Variants in TRPC4 observed in about 807,000 individuals in gnomAD.
TRPC4 encodes the protein short transient receptor potential channel 4.
A neutral mutation model predicts 99.4 loss-of-function variants in TRPC4; 49 were observed. That is an observed-to-expected ratio of 0.49 (90% confidence interval 0.39 to 0.63). The LOEUF is 0.63. Ranked by LOEUF, TRPC4 falls within the 20% of genes least tolerant of loss-of-function variation. TRPC4 has a pLI of 0.00. For synonymous variants in TRPC4, 454 were observed against 425.9 expected (o/e 1.07, Z -0.81); for missense variants, 898 against 1,152.9 (o/e 0.78, Z 3.20).
chr13:37,649,006 AT>A (rs11345629), intron 8 of TRPC4, among the ~76,000 whole-genome samples: 145,898 of 149,732 alleles, frequency 0.97, 71,141 homozygotes, highest in South Asian at 1. Flanking sequence ...GTGAGTAGGT[AT>A]TTTTTTTTTT....
intron 4 of TRPC4, among the ~76,000 whole-genome samples, 180 bp from the exon 5 acceptor site, chr13:37,674,547 T>C (rs1952979561): frequency 6.6e-6 from 1 of 152,226 alleles, no homozygotes; most frequent in African/African-American, 2.4e-5. Flanking sequence ...GACTTTCAGA[T>C]ACTAAGCTAA....
intron 3 of TRPC4, among the ~76,000 whole-genome samples, chr13:37,694,075 T>C (rs1212292436): frequency 6.6e-6 from 1 of 152,206 alleles, no homozygotes; most frequent in Non-Finnish European, 1.5e-5. Flanking sequence ...AGCACTGTTC[T>C]CTTTAAGAGT....
At chr13:37,831,530 G>GTA (rs780750962) in intron 1 of TRPC4, among the ~76,000 whole-genome samples, 8 of 152,088 alleles carry the variant, frequency 5.3e-5, no homozygotes, top group Non-Finnish European at 8.8e-5. Context: ...CTGCTCCTGG[G>GTA]TATACACTCA....
chr13:37,839,415 T>C (rs1332227592), intron 1 of TRPC4, among the ~76,000 whole-genome samples: 1 of 152,172 alleles, frequency 6.6e-6, no homozygotes, highest in East Asian at 1.9e-4. Flanking sequence ...TACAGGCACA[T>C]CCAGGGTTAA....
rs570307390 is a variant in TRPC4, at chr13:37,801,051, C to T, written c.-27-17691G>A. 1.1e-3 allele frequency among the ~76,000 whole-genome samples: 160 copies of T among 152,016 alleles called. No homozygotes were observed. The Middle Eastern group carries it at 0.014, about 13-fold the overall frequency. ...AATAATCAAGCATTTTGTTGTGCTTCTTTTGACAGGAAATATTTGAATGAA... is the reference window on the plus strand; with the variant it reads ...AATAATCAAGCATTTTGTTGTGCTTTTTTTGACAGGAAATATTTGAATGAA... On this transcript the variant is annotated intron_variant, in intron 1 of 10. Coordinates refer to ENST00000379705, the MANE Select transcript of TRPC4 (RefSeq NM_016179.4).
chr13:37,753,729 CTA>C (rs1260889266), intron 2 of TRPC4, among the ~76,000 whole-genome samples: 4 of 152,084 alleles, frequency 2.6e-5, no homozygotes, highest in Non-Finnish European at 5.9e-5. Flanking sequence ...TTCTGTTTCC[CTA>C]ATGTTCACTT....
At chr13:37,744,141 G>A (rs538408175) in intron 3 of TRPC4, among the ~76,000 whole-genome samples, 1 of 152,224 alleles carries the variant, frequency 6.6e-6, no homozygotes, top group African/African-American at 2.4e-5. Flanking sequence ...CAATCATCGT[G>A]TCGATTCTTT....
chr13:37,736,483 G>A (rs1955397263), intron 3 of TRPC4, among the ~76,000 whole-genome samples: 1 of 152,092 alleles, frequency 6.6e-6, no homozygotes, highest in Admixed American at 6.6e-5. Context: ...AGATTCTGAG[G>A]TGTAGCAGTC....
intron 3 of TRPC4, among the ~76,000 whole-genome samples, chr13:37,694,107 C>A (rs1474565749): frequency 6.6e-6 from 1 of 152,090 alleles, no homozygotes; most frequent in African/African-American, 2.4e-5. Context: ...CCCGTATAAT[C>A]CTTCCCATCA....
chr13:37,821,189 G>T (rs1458927838), intron 1 of TRPC4, among the ~76,000 whole-genome samples: 1 of 70,102 alleles, frequency 1.4e-5, no homozygotes, highest in South Asian at 6.2e-4. Flanking sequence ...ATTCACAATA[G>T]CCACACACAC....
At chr13:37,683,520 G>A (rs1953333559) in intron 4 of TRPC4, among the ~76,000 whole-genome samples, 1 of 152,124 alleles carries the variant, frequency 6.6e-6, no homozygotes, top group Non-Finnish European at 1.5e-5. Context: ...TCCTGGAAGA[G>A]TTGAATCTCT....
chr13:37,720,939 T>C (rs1324696345), intron 3 of TRPC4, among the ~76,000 whole-genome samples: 1 of 152,218 alleles, frequency 6.6e-6, no homozygotes, highest in Non-Finnish European at 1.5e-5. Context: ...TAGGCTGGTG[T>C]AAAAATGTTT....
chr13:37,817,921 A>G (rs1441757972), intron 1 of TRPC4, among the ~76,000 whole-genome samples: 1 of 152,004 alleles, frequency 6.6e-6, no homozygotes, highest in African/African-American at 2.4e-5. Flanking sequence ...AATAATCAAA[A>G]CTGTAAAAAC....
chr13:37,706,892 A>G (rs1421904992), intron 3 of TRPC4, among the ~76,000 whole-genome samples: 2 of 152,170 alleles, frequency 1.3e-5, no homozygotes, highest in Non-Finnish European at 2.9e-5. Context: ...GAAGGGCAAG[A>G]CCCAGAAGTG....
intron 2 of TRPC4, among the ~76,000 whole-genome samples, chr13:37,764,831 A>G (rs1012802984): frequency 4.6e-5 from 6 of 129,692 alleles, no homozygotes; most frequent in African/African-American, 1.5e-4. Context: ...TTTTTTTTGC[A>G]TCTAGTGAGA....
chr13:37,792,339 A>C (rs977583838), intron 1 of TRPC4, among the ~76,000 whole-genome samples: 1 of 152,048 alleles, frequency 6.6e-6, no homozygotes, highest in African/African-American at 2.4e-5. Context: ...TCTAATCCTT[A>C]TTTCCCCTAG....
rs1555251584 is a variant in TRPC4 at position 37,655,384 on chromosome 13, T to TATATAA, written c.1689-102_1689-101insTTATAT. The TATATAA allele has an allele frequency of 8.3e-4, 316 of 382,114 alleles. 2 individuals are homozygous for TATATAA. Among genetic ancestry groups the TATATAA allele is most frequent in the South Asian group, 6.9e-3 (53 of 7,736 alleles). The allele number at this position is 382,114 out of a possible 1,614,324, so 23.7% of individuals were successfully genotyped here. A position where few individuals can be genotyped will look rare whatever the true frequency, so the allele number is the denominator to read the frequency against. On this transcript the variant is annotated intron_variant, in intron 6 of 10. Coordinates refer to ENST00000379705, the MANE Select transcript of TRPC4 (RefSeq NM_016179.4). ...GCATGATTATATATATATATATATATAATTAACTTAAACATTAATATCAAC... is the reference window on the plus strand; with the variant it reads ...GCATGATTATATATATATATATATATATATAAAATTAACTTAAACATTAATATCAAC...
intron 4 of TRPC4, among the ~76,000 whole-genome samples, chr13:37,680,135 A>G (rs1953187422): frequency 6.6e-6 from 1 of 152,206 alleles, no homozygotes; most frequent in African/African-American, 2.4e-5. Flanking sequence ...TTTACAAGGC[A>G]CAGAGTTATG....
chr13:37,690,929 A>G (rs1037991072), intron 4 of TRPC4, among the ~76,000 whole-genome samples: 3 of 152,166 alleles, frequency 2.0e-5, no homozygotes, highest in African/African-American at 7.2e-5. Flanking sequence ...TAATAGCCAA[A>G]TGATGAGATA....
Sources: gnomAD v4.1 joint callset for allele counts (sites outside exome capture counted in the v4.1 genomes callset) on GRCh38, gnomAD v4.1.1 for gene constraint, MANE v1.5 for transcripts, NCBI Gene and HGNC (gene_info 2026-07-23, HGNC 2026-07-21) for gene names.